MYO16: variants seen among roughly 807,000 people sequenced by gnomAD.
MYO16 encodes unconventional myosin-XVI.
In MYO16, 94 loss-of-function variants were observed where a neutral mutation model predicts 205.3. The observed-to-expected ratio is 0.46, with a 90% CI of 0.39 to 0.54. The LOEUF (loss-of-function observed/expected upper bound fraction) is 0.54. MYO16 is among the 20% of genes least tolerant of loss of function. The pLI is 0.00. For missense variants in MYO16, 2,315 were observed against 2,387.5 expected (o/e 0.97, Z 0.63); for synonymous variants, 988 against 954.0 (o/e 1.04, Z -0.66).
chr13:108,907,917 A>T (rs956168696), intron 15 of MYO16, among the ~76,000 whole-genome samples: 6 of 152,196 alleles, frequency 3.9e-5, no homozygotes, highest in Non-Finnish European at 7.3e-5. Context: ...CTGATATTTC[A>T]TGCCTAAAGG....
chr13:108,773,131 A>G (rs149799129), intron 4 of MYO16, among the ~76,000 whole-genome samples: 1 of 152,276 alleles, frequency 6.6e-6, no homozygotes, highest in East Asian at 1.9e-4. Flanking sequence ...TTATAAAGGC[A>G]CCAATCCCAA....
chr13:108,618,740 T>C (rs868102125), intron 1 of MYO16, among the ~76,000 whole-genome samples: 27 of 152,310 alleles, frequency 1.8e-4, no homozygotes, highest in South Asian at 4.1e-4. Flanking sequence ...TGCTTCTGAG[T>C]TACCTTAGTT....
At chr13:109,056,376 T>G (rs1887419600) in intron 27 of MYO16, among the ~76,000 whole-genome samples, 4 of 152,190 alleles carry the variant, frequency 2.6e-5, no homozygotes, top group African/African-American at 9.6e-5. Context: ...GCTACATATT[T>G]GTTCATTTGT....
At chr13:108,760,473 GTT>G (rs34136071) in intron 4 of MYO16, among the ~76,000 whole-genome samples, 1,842 of 148,432 alleles carry the variant, frequency 0.012, 37 homozygotes, top group African/African-American at 0.043. Flanking sequence ...ATAACTTAGG[GTT>G]TTTTTTTTTA....
At chr13:109,108,750 G>A (rs904311313) in intron 28 of MYO16, among the ~76,000 whole-genome samples, 1 of 152,166 alleles carries the variant, frequency 6.6e-6, no homozygotes, top group African/African-American at 2.4e-5. Context: ...GTCATGCAGG[G>A]CATTTCTGGG....
intron 16 of MYO16, among the ~76,000 whole-genome samples, chr13:108,948,394 A>T (rs1262543616): frequency 6.6e-6 from 1 of 152,230 alleles, no homozygotes; most frequent in East Asian, 1.9e-4. Context: ...AATGGACTAA[A>T]CAAGTTTGTC....
intron 1 of MYO16, among the ~76,000 whole-genome samples, chr13:108,664,672 A>C (rs371004595): frequency 7.2e-5 from 11 of 152,360 alleles, no homozygotes; most frequent in African/African-American, 2.4e-4. Flanking sequence ...GATATCATAA[A>C]TAGCTTAAGA....
At chr13:108,952,839 T>C (rs921716860) in intron 16 of MYO16, among the ~76,000 whole-genome samples, 6 of 152,306 alleles carry the variant, frequency 3.9e-5, no homozygotes, top group Admixed American at 6.5e-5. Flanking sequence ...TTTTGACTCA[T>C]AGAAGAATAA....
intron 2 of MYO16, among the ~76,000 whole-genome samples, chr13:108,694,125 G>A (rs141932655): frequency 6.6e-6 from 1 of 152,196 alleles, no homozygotes; most frequent in African/African-American, 2.4e-5. Flanking sequence ...GAGCATTTAG[G>A]TTGAATCTAT....
At chr13:108,874,387 T>C (rs1393365040) in intron 12 of MYO16, among the ~76,000 whole-genome samples, 1 of 152,176 alleles carries the variant, frequency 6.6e-6, no homozygotes, top group African/African-American at 2.4e-5. Flanking sequence ...AAAAAAATTA[T>C]AATATTTGAA....
the MYO16 span, among the ~76,000 whole-genome samples, chr13:108,544,404 A>G: frequency 3.9e-4 from 60 of 152,164 alleles, no homozygotes; most frequent in Non-Finnish European, 7.6e-4. Flanking sequence ...TTTCGTGAGC[A>G]CATGTGAGGG....
intron 6 of MYO16, among the ~76,000 whole-genome samples, chr13:108,793,876 A>G (rs887091417): frequency 1.3e-5 from 2 of 152,204 alleles, no homozygotes; most frequent in Non-Finnish European, 2.9e-5. Flanking sequence ...AGACACACGC[A>G]TGCGTATGTT....
chr13:108,556,568 C>T, the MYO16 span, among the ~76,000 whole-genome samples: 2 of 152,136 alleles, frequency 1.3e-5, no homozygotes, highest in Non-Finnish European at 2.9e-5. Context: ...AATATATTCT[C>T]CCATTCCATA....
At chr13:108,949,046 C>T (rs537986151) in intron 16 of MYO16, among the ~76,000 whole-genome samples, 1 of 152,346 alleles carries the variant, frequency 6.6e-6, no homozygotes, top group Non-Finnish European at 1.5e-5. Context: ...GTTGTTGTTA[C>T]AGACTTATTT....
chr13:109,050,940 C>G (rs1887227539), intron 24 of MYO16, among the ~76,000 whole-genome samples: 1 of 151,684 alleles, frequency 6.6e-6, no homozygotes, highest in Admixed American at 6.6e-5. Context: ...TGCCTCAAAT[C>G]TAGAATCAGA....
intron 32 of MYO16, among the ~76,000 whole-genome samples, chr13:109,155,813 T>C (rs927267915): frequency 3.3e-5 from 5 of 152,206 alleles, no homozygotes; most frequent in African/African-American, 1.2e-4. Flanking sequence ...GTCTCCACTC[T>C]CCTCACATCC....
Position 109,141,321 on chromosome 13 carries a change from G to T in MYO16, c.5109G>T (p.Ser1703=), listed in dbSNP as rs759617080. The T allele has an allele frequency of 1.3e-6, 2 of 1,577,328 alleles. No individual in the cohort carries two copies. The highest frequency in any genetic ancestry group is 8.6e-7 in the Non-Finnish European group (1 of 1,164,460). Residue 1703 remains serine (S), a synonymous_variant, in exon 32 of 35, where the codon TCG becomes TCT. Transcript: ENST00000457511. The surrounding 1 kb of genome is among the most constrained non-coding windows in gnomAD (Gnocchi z 4.1). ...PLDELASLFN[S]GRSVLRKSAA... Reference sequence around the variant, plus strand: ...ACGAGCTCGCCAGCCTCTTCAACTCGGGGAGGAGTGTGCTTCGGAAATCCG... The same window carrying T: ...ACGAGCTCGCCAGCCTCTTCAACTCTGGGAGGAGTGTGCTTCGGAAATCCG...
chr13:108,952,922 G>A (rs574059421), intron 16 of MYO16, among the ~76,000 whole-genome samples: 1 of 152,188 alleles, frequency 6.6e-6, no homozygotes, highest in African/African-American at 2.4e-5. Context: ...CAATAATGGG[G>A]CAAAATTGGA....
At chr13:109,108,389 C>T in intron 28 of MYO16, among the ~76,000 whole-genome samples, 1 of 152,202 alleles carries the variant, frequency 6.6e-6, no homozygotes. Context: ...TACATTTTTT[C>T]ACTCAGCTTC....
Sources: gnomAD v4.1 joint callset for allele counts (sites outside exome capture counted in the v4.1 genomes callset) on GRCh38, gnomAD v4.1.1 for gene constraint, Gnocchi (gnomAD v3.1) non-coding constraint, MANE v1.5 for transcripts, NCBI Gene and HGNC (gene_info 2026-07-23, HGNC 2026-07-21) for gene names.